Variants in KAT6B observed in about 807,000 individuals in gnomAD.
KAT6B encodes the protein histone acetyltransferase KAT6B.
KAT6B carries 10 observed loss-of-function variants against 187.5 expected under a neutral mutation model. That is an observed-to-expected ratio of 0.05 (90% confidence interval 0.03 to 0.09). The LOEUF is 0.09. Among genes scored for constraint, KAT6B ranks in the 10% least tolerant of loss-of-function variants. KAT6B has a pLI of 1.00. For missense variants in KAT6B, 1,952 were observed against 2,558.9 expected, an observed-to-expected ratio of 0.76 and a Z score of 5.12; for synonymous variants, 861 against 926.8, an observed-to-expected ratio of 0.93 and a Z score of 1.29.
chr10:74,915,103 TA>T (rs1021505613), intron 3 of KAT6B, among the ~76,000 whole-genome samples: 23 of 150,840 alleles, frequency 1.5e-4, no homozygotes, highest in South Asian at 4.2e-4. Context: ...TTGTTTCCTT[TA>T]AAAAAAAAAT....
intron 3 of KAT6B, among the ~76,000 whole-genome samples, chr10:74,954,658 T>C (rs1489612685): frequency 6.6e-6 from 1 of 152,216 alleles, no homozygotes; most frequent in Non-Finnish European, 1.5e-5. Context: ...CCTTTGTTCC[T>C]TCACTAGGTC....
intron 3 of KAT6B, among the ~76,000 whole-genome samples, chr10:74,880,015 C>T (rs922689571): frequency 2.6e-5 from 4 of 151,358 alleles, no homozygotes; most frequent in Admixed American, 1.3e-4. Flanking sequence ...CTAGCCTGGG[C>T]GACAGAGTGA....
chr10:74,918,056 G>T (rs1847831721), intron 3 of KAT6B, among the ~76,000 whole-genome samples: 3 of 152,010 alleles, frequency 2.0e-5, no homozygotes, highest in Non-Finnish European at 4.4e-5. Context: ...GCATTTAATT[G>T]TAATCAGTGT....
intron 3 of KAT6B, among the ~76,000 whole-genome samples, chr10:74,911,714 A>G (rs2132921251): frequency 6.6e-6 from 1 of 152,282 alleles, no homozygotes; most frequent in South Asian, 2.1e-4. Context: ...TATCTATGTC[A>G]AGTTAACTTT....
At chr10:74,843,727 G>T (rs925491927) in intron 3 of KAT6B, among the ~76,000 whole-genome samples, 4 of 152,160 alleles carry the variant, frequency 2.6e-5, no homozygotes, top group Non-Finnish European at 5.9e-5. Context: ...TTGCTAACTG[G>T]TTGGTGTCTG....
At chr10:74,918,993 G>A (rs975572578) in intron 3 of KAT6B, among the ~76,000 whole-genome samples, 4 of 151,994 alleles carry the variant, frequency 2.6e-5, no homozygotes, top group Non-Finnish European at 4.4e-5. Flanking sequence ...TGAGGCAGGT[G>A]GATCACCAGA....
At position 74,955,385 on chromosome 10, in the gene KAT6B, C is replaced by CA. The variant is rs928987927; in HGVS notation, c.622-4585_622-4584insA. Among the ~76,000 whole-genome samples, 141 of 124,480 alleles carry CA rather than the reference C, an allele frequency of 1.1e-3. 3 individuals carry two copies. Among genetic ancestry groups the CA allele is most frequent in the Non-Finnish European group, 1.8e-3 (106 of 59,226 alleles). The allele number at this position is 124,480 out of a possible 152,430, so 81.7% of individuals were successfully genotyped here. A position where few individuals can be genotyped will look rare whatever the true frequency, so the allele number is the denominator to read the frequency against. Reference sequence around the variant, plus strand: ...GAGAGTAAAGGGACACAATTTTATCCCCCCCCCCCCAACTTTTTGTTTGGA... The same window carrying CA: ...GAGAGTAAAGGGACACAATTTTATCCACCCCCCCCCCAACTTTTTGTTTGGA... On this transcript the variant is annotated intron_variant, in intron 3 of 17. Coordinates refer to ENST00000287239, the MANE Select transcript of KAT6B (RefSeq NM_012330.4).
chr10:74,937,012 A>G (rs1849321658), intron 3 of KAT6B, among the ~76,000 whole-genome samples: 2 of 152,346 alleles, frequency 1.3e-5, no homozygotes, highest in South Asian at 4.1e-4. Flanking sequence ...GGCAAGCATT[A>G]GAAGCAAGTC....
chr10:74,858,859 G>T (rs1842983700), intron 3 of KAT6B, among the ~76,000 whole-genome samples: 1 of 151,886 alleles, frequency 6.6e-6, no homozygotes, highest in South Asian at 2.1e-4. Flanking sequence ...GGAGGCTGAG[G>T]CAGGAGAATC....
chr10:74,908,490 G>A (rs1032976039), intron 3 of KAT6B, among the ~76,000 whole-genome samples: 10 of 150,906 alleles, frequency 6.6e-5, no homozygotes, highest in East Asian at 3.9e-4. Flanking sequence ...CCTGGGAGGC[G>A]GAGGTTGCAG....
In KAT6B at chr10:75,029,714, C is replaced by T; in HGVS notation, c.4890C>T (p.Ser1630=). Residue 1630 remains serine, a synonymous_variant, in exon 18 of 18, where the codon AGC becomes AGT. Coordinates refer to ENST00000287239, the MANE Select transcript of KAT6B (RefSeq NM_012330.4). The surrounding 1 kb of genome is among the most constrained non-coding windows in gnomAD (Gnocchi z 6.2). The stretch of plus-strand genomic sequence containing the variant: ...TGGAAAACAGCTACGCCCAAATCAG[C>T]CCAGATCAAAGTGCCATCTCAGTGC... The part of the protein sequence containing the change: ...PALENSYAQI[S]PDQSAISVPS... 6.2e-7 allele frequency: 1 copy of T among 1,614,160 alleles called. No individual in the cohort carries two copies. Among genetic ancestry groups the T allele is most frequent in the Non-Finnish European group, 8.5e-7 (1 of 1,180,036 alleles).
chr10:74,896,861 T>C (rs1846025980), intron 3 of KAT6B, among the ~76,000 whole-genome samples: 1 of 152,194 alleles, frequency 6.6e-6, no homozygotes, highest in African/African-American at 2.4e-5. Flanking sequence ...TTAAATCTTA[T>C]TTCACGTAAA....
intron 3 of KAT6B, among the ~76,000 whole-genome samples, chr10:74,947,023 C>T (rs1839997430): frequency 1.3e-5 from 2 of 151,844 alleles, no homozygotes; most frequent in Non-Finnish European, 2.9e-5. Context: ...TTTTTTGAGA[C>T]GAGTCTTACT....
At chr10:74,831,451 AAACAATGTAT>A (rs1183043178) in intron 1 of KAT6B, among the ~76,000 whole-genome samples, 1 of 152,206 alleles carries the variant, frequency 6.6e-6, no homozygotes, top group Non-Finnish European at 1.5e-5. Context: ...TGTTGACCTT[AAACAATGTAT>A]AACTATGAGT....
chr10:74,845,301 GCCAAT>G (rs1842011052), intron 3 of KAT6B, among the ~76,000 whole-genome samples: 1 of 151,872 alleles, frequency 6.6e-6, no homozygotes, highest in South Asian at 2.1e-4. Context: ...GCTGAGGTGG[GCCAAT>G]TGCCTGAGTT....
Position 75,020,805 on chromosome 10 carries a change from A to G in KAT6B, c.2853A>G (p.Arg951=). ...TLQHLHMIDK[R]DGRFVIIRRE... ...AGCACCTCCACATGATCGACAAGAG[A>G]GATGGCAGGTGAGTCCTGGGACCCT... The change falls in exon 14 of 18, where the codon AGA becomes AGG. Residue 951 remains arginine, a synonymous_variant. Coordinates refer to ENST00000287239, the MANE Select transcript of KAT6B (RefSeq NM_012330.4). The G allele has an allele frequency of 6.2e-7, 1 of 1,613,886 alleles. No individual in the cohort carries two copies.
At chr10:74,838,937 G>A (rs1447733989) in intron 2 of KAT6B, among the ~76,000 whole-genome samples, 185 bp downstream of exon 2, 2 of 152,048 alleles carry the variant, frequency 1.3e-5, no homozygotes, top group South Asian at 2.1e-4. Context: ...GGCGGATCAC[G>A]AGATCAGGAG....
rs769118892 is a variant in KAT6B, at chr10:74,972,567, A to G, written c.989A>G (p.Lys330Arg). The G allele has an allele frequency of 3.1e-6, 5 of 1,612,452 alleles. No homozygotes were observed. Among genetic ancestry groups the G allele is most frequent in the Non-Finnish European group, 4.2e-6 (5 of 1,178,618 alleles). The change falls in exon 7 of 18, where the codon AAA (lysine) becomes AGA (arginine). Residue 330 changes from lysine to arginine, a missense_variant. Around this residue, in one of 9 missense-constraint regions of KAT6B, gnomAD observed 417 missense variants for 508.9 expected, o/e 0.82. Coordinates refer to ENST00000287239, the MANE Select transcript of KAT6B (RefSeq NM_012330.4). ...AAGGGAAGAAAACTACTTCATGAGA[A>G]AGCTGCACAAATAAAACGACGATAT... is the stretch of plus-strand genomic sequence containing the variant. ...KKKGRKLLHE[K>R]AAQIKRRYAK... is the part of the protein sequence containing the mutation.
chr10:74,910,822 C>A (rs367563366), intron 3 of KAT6B, among the ~76,000 whole-genome samples: 1 of 152,262 alleles, frequency 6.6e-6, no homozygotes, highest in African/African-American at 2.4e-5. Flanking sequence ...GGAGTAAATA[C>A]AGATAGCACA....
Sources: gnomAD v4.1 joint callset for allele counts (sites outside exome capture counted in the v4.1 genomes callset) on GRCh38, gnomAD v4.1.1 for gene constraint, gnomAD v4.1.1 regional missense constraint, Gnocchi (gnomAD v3.1) non-coding constraint, MANE v1.5 for transcripts, NCBI Gene and HGNC (gene_info 2026-07-23, HGNC 2026-07-21) for gene names.